The following DCC variants were observed in gnomAD, a reference collection of about 807,000 sequenced individuals.
The protein encoded by DCC is DCC netrin 1 receptor.
DCC carries 58 observed loss-of-function variants against 172.5 expected under a neutral mutation model. The ratio of observed to expected loss-of-function variants is 0.34; its 90% confidence interval spans 0.27 to 0.42. The LOEUF (loss-of-function observed/expected upper bound fraction) is 0.42. DCC is among the 10% of genes least tolerant of loss of function. DCC has a pLI of 1.00. For synonymous variants in DCC, 709 were observed against 644.5 expected (o/e 1.10, Z -1.52); for missense variants, 1,740 against 1,791.0 (o/e 0.97, Z 0.51).
chr18:52,811,034 A>G (rs1322310381), intron 2 of DCC, among the ~76,000 whole-genome samples: 2 of 152,234 alleles, frequency 1.3e-5, no homozygotes. Flanking sequence ...CAGAGGGGAC[A>G]ACACACAAAT....
intron 12 of DCC, chr18:53,237,107 A>G (rs546104215): frequency 6.6e-6 from 1 of 152,250 alleles, no homozygotes; most frequent in East Asian, 1.9e-4. Context: ...TATATATTCT[A>G]CTGAGAGTAC....
chr18:53,041,143 T>A (rs1379822128), intron 5 of DCC, among the ~76,000 whole-genome samples: 1 of 152,116 alleles, frequency 6.6e-6, no homozygotes, highest in Non-Finnish European at 1.5e-5. Flanking sequence ...TTTTATTGTT[T>A]TAGGTCTTAC....
chr18:52,447,531 T>C (rs1318387184), intron 1 of DCC, among the ~76,000 whole-genome samples: 1 of 152,204 alleles, frequency 6.6e-6, no homozygotes, highest in African/African-American at 2.4e-5. Context: ...TACCCAAGGA[T>C]AGGCTGCTCA....
At chr18:53,437,846 AATGAGCT>A (rs1292327189) in intron 22 of DCC, among the ~76,000 whole-genome samples, 1 of 152,194 alleles carries the variant, frequency 6.6e-6, no homozygotes, top group Non-Finnish European at 1.5e-5. Flanking sequence ...GGGCACTTGC[AATGAGCT>A]ATGGGCGCAA....
intron 1 of DCC, among the ~76,000 whole-genome samples, chr18:52,705,198 G>A (rs1021607666): frequency 6.6e-6 from 1 of 152,112 alleles, no homozygotes; most frequent in Non-Finnish European, 1.5e-5. Context: ...GGATAGTGGC[G>A]AACAATTGTT....
At chr18:52,831,641 G>A (rs2038615807) in intron 2 of DCC, among the ~76,000 whole-genome samples, 1 of 152,162 alleles carries the variant, frequency 6.6e-6, no homozygotes, top group African/African-American at 2.4e-5. Context: ...TGAGAAACTA[G>A]AGGGGTGGAA....
chr18:53,372,022 A>C (rs2058064085), intron 15 of DCC, among the ~76,000 whole-genome samples: 1 of 152,128 alleles, frequency 6.6e-6, no homozygotes, highest in Admixed American at 6.6e-5. Flanking sequence ...TGAAAGTGTA[A>C]ATTAGTTCAG....
At chr18:52,893,082 TATATA>T (rs1398113434) in intron 2 of DCC, among the ~76,000 whole-genome samples, 4 of 152,168 alleles carry the variant, frequency 2.6e-5, no homozygotes, top group African/African-American at 7.2e-5. Flanking sequence ...TTTAATGAAT[TATATA>T]ATACGGAATA....
chr18:53,009,953 A>G (rs545201974), intron 5 of DCC, among the ~76,000 whole-genome samples: 4 of 152,086 alleles, frequency 2.6e-5, no homozygotes, highest in African/African-American at 9.6e-5. Context: ...GCGATGAAGC[A>G]GCAGGAGTAA....
chr18:53,215,461 A>C, intron 11 of DCC, 87 bp from the exon 12 acceptor site: 1 of 1,122,158 alleles, frequency 8.9e-7, no homozygotes. Flanking sequence ...TATATAAACA[A>C]AACCACACTC....
At chr18:53,286,464 T>G in intron 12 of DCC, among the ~76,000 whole-genome samples, 1 of 152,188 alleles carries the variant, frequency 6.6e-6, no homozygotes, top group East Asian at 1.9e-4. Flanking sequence ...TGAGGCCTTC[T>G]AGTGACTTGG....
chr18:52,809,961 G>A (rs746558047), intron 2 of DCC, among the ~76,000 whole-genome samples: 8 of 151,932 alleles, frequency 5.3e-5, no homozygotes, highest in African/African-American at 9.7e-5. Context: ...TACAAGTCCC[G>A]TGTTTAAAGG....
intron 1 of DCC, among the ~76,000 whole-genome samples, chr18:52,655,949 AAT>A (rs1306939454): frequency 4.4e-4 from 49 of 111,422 alleles, no homozygotes; most frequent in Admixed American, 1.6e-3. Context: ...CTCTCCATTA[AAT>A]ATATATGTGT....
intron 1 of DCC, among the ~76,000 whole-genome samples, chr18:52,519,384 C>G (rs182583055): frequency 1.3e-5 from 2 of 151,844 alleles, no homozygotes; most frequent in East Asian, 3.9e-4. Flanking sequence ...TAAAAAGAAG[C>G]TGATGGGAGA....
At chr18:52,907,910 A>C (rs2039914142) in intron 3 of DCC, among the ~76,000 whole-genome samples, 1 of 152,100 alleles carries the variant, frequency 6.6e-6, no homozygotes, top group Non-Finnish European at 1.5e-5. Flanking sequence ...ATTTCTCTCC[A>C]ACTCTTATTT....
chr18:53,079,374 C>T (rs191105246), intron 7 of DCC, among the ~76,000 whole-genome samples: 200 of 152,076 alleles, frequency 1.3e-3, no homozygotes, highest in African/African-American at 4.3e-3. Context: ...TTCTTTAATA[C>T]GCTTGCTTAT....
At chr18:53,090,532 C>T (rs940413113) in intron 7 of DCC, among the ~76,000 whole-genome samples, 7 of 150,318 alleles carry the variant, frequency 4.7e-5, no homozygotes, top group East Asian at 2.0e-4. Context: ...TCTCTACTAA[C>T]GATACAAAAA....
chr18:53,026,121 C>T lies in DCC; in HGVS notation c.986-37184C>T, dbSNP rs185947516. Among the ~76,000 whole-genome samples the T allele has an allele frequency of 3.3e-4, 50 of 151,996 alleles. No individual in the cohort carries two copies. The Middle Eastern group carries it at 0.01, about 31-fold the overall frequency. ...AACATTTAAAAACTGAAGTCCTCCCCTACTCCATAAGTCTATGGAGAATTT... is the reference window on the plus strand; with the variant it reads ...AACATTTAAAAACTGAAGTCCTCCCTTACTCCATAAGTCTATGGAGAATTT... On this transcript the variant is annotated intron_variant, in intron 5 of 28. Coordinates refer to ENST00000442544, the MANE Select transcript of DCC (RefSeq NM_005215.4).
At chr18:53,039,170 G>A (rs2143989941) in intron 5 of DCC, among the ~76,000 whole-genome samples, 1 of 151,988 alleles carries the variant, frequency 6.6e-6, no homozygotes, top group Admixed American at 6.6e-5. Context: ...TTTTCTCAGA[G>A]CCCACTGATC....
Sources: gnomAD v4.1 joint callset for allele counts (sites outside exome capture counted in the v4.1 genomes callset) on GRCh38, gnomAD v4.1.1 for gene constraint, MANE v1.5 for transcripts, NCBI Gene and HGNC (gene_info 2026-07-23, HGNC 2026-07-21) for gene names.